POC1B: variants seen among roughly 807,000 people sequenced by gnomAD.
POC1B encodes POC1 centriolar protein B, also known as POC1 centriolar protein homolog B.
A neutral mutation model predicts 60.6 loss-of-function variants in POC1B; 44 were observed. That is an observed-to-expected ratio of 0.73 (90% CI 0.57 to 0.93). The LOEUF is 0.93. POC1B is among the 40% of genes least tolerant of loss of function. The pLI, the probability that POC1B is intolerant of heterozygous loss-of-function variation, is 0.00. For synonymous variants in POC1B, 180 were observed against 198.9 expected (o/e 0.90, Z 0.80); for missense variants, 555 against 572.3 (o/e 0.97, Z 0.31).
chr12:89,453,197 A>G (rs1362536584), intron 10 of POC1B, among the ~76,000 whole-genome samples: 1 of 152,206 alleles, frequency 6.6e-6, no homozygotes, highest in African/African-American at 2.4e-5. Flanking sequence ...ATGTTTTTAA[A>G]TTGTTTCTCA....
intron 8 of POC1B, 141 bp from the exon 9 acceptor site, chr12:89,467,063 A>C: frequency 3.4e-6 from 2 of 582,956 alleles, no homozygotes; most frequent in Non-Finnish European, 5.4e-6. Flanking sequence ...ACTATTTCTC[A>C]ATATCTTTTT....
At chr12:89,454,545 T>C (rs543896726) in intron 10 of POC1B, among the ~76,000 whole-genome samples, 40 of 152,148 alleles carry the variant, frequency 2.6e-4, no homozygotes, top group Non-Finnish European at 5.1e-4. Context: ...ACCTGCAATC[T>C]GGCCTTCCAT....
chr12:89,480,523 C>A (rs1056254982), intron 4 of POC1B, among the ~76,000 whole-genome samples: 2 of 150,384 alleles, frequency 1.3e-5, no homozygotes, highest in African/African-American at 4.9e-5. Context: ...AAGGTTCACA[C>A]GATTCTTGTG....
chr12:89,524,846 C>G (rs868752879), intron 2 of POC1B: 1 of 617,568 alleles, frequency 1.6e-6, no homozygotes, highest in South Asian at 2.0e-5. Flanking sequence ...CCCTCCCCTT[C>G]CCACTCACTC....
At chr12:89,521,380 T>C (rs1012499274) in intron 2 of POC1B, 11 of 152,376 alleles carry the variant, frequency 7.2e-5, no homozygotes, top group African/African-American at 2.6e-4. Context: ...TGGGATTACA[T>C]GCGTGAGCCA....
chr12:89,522,348 A>T (rs1230881327), intron 2 of POC1B: 1 of 394,770 alleles, frequency 2.5e-6, no homozygotes, highest in African/African-American at 2.1e-5. Flanking sequence ...CTAAAATTTA[A>T]TGTGCTGGCT....
rs1880494684 is a variant in POC1B, at chr12:89,420,729, G to A, written c.*424C>T. The A allele has an allele frequency of 1.3e-5, 2 of 156,012 alleles. No individual in the cohort carries two copies. Among genetic ancestry groups the A allele is most frequent in the Non-Finnish European group, 2.8e-5 (2 of 70,588 alleles). 9.7% of individuals were successfully genotyped at this position (156,012 alleles called of 1,614,324 possible). On this transcript the variant is annotated 3_prime_UTR_variant, in exon 12 of 12. Coordinates refer to ENST00000313546, the MANE Select transcript of POC1B (RefSeq NM_172240.3). ...ATCAATAACTCATTATTGGCATATA[G>A]GATGCTATTTTGGAGGTAAGTGAAT...
intron 4 of POC1B, among the ~76,000 whole-genome samples, chr12:89,489,771 C>T (rs1315917428): frequency 6.6e-6 from 1 of 152,224 alleles, no homozygotes; most frequent in Non-Finnish European, 1.5e-5. Context: ...TGCCATACCC[C>T]ATACCTGCTT....
At chr12:89,461,357 C>CA (rs777801880) in intron 9 of POC1B, 6 of 152,042 alleles carry the variant, frequency 3.9e-5, no homozygotes, top group Admixed American at 2.0e-4. Flanking sequence ...TTCTTCATGG[C>CA]ATAGTGGAAG....
chr12:89,466,477 T>A (rs1161061950), intron 9 of POC1B, among the ~76,000 whole-genome samples: 1 of 152,186 alleles, frequency 6.6e-6, no homozygotes, highest in African/African-American at 2.4e-5. Context: ...ATGACCTCCC[T>A]AAACACACCT....
chr12:89,420,216 T>A lies in POC1B; in HGVS notation c.*937A>T, dbSNP rs1406681963. 1 of 152,222 alleles carries A rather than the reference T, an allele frequency of 6.6e-6. No homozygotes were observed. Among genetic ancestry groups the A allele is most frequent in the Non-Finnish European group, 1.5e-5 (1 of 68,046 alleles). 9.4% of individuals were successfully genotyped at this position (152,222 alleles called of 1,614,324 possible). A position where few individuals can be genotyped will look rare whatever the true frequency, so the allele number is the denominator to read the frequency against. On this transcript the variant is annotated 3_prime_UTR_variant, in exon 12 of 12. Coordinates refer to ENST00000313546, the MANE Select transcript of POC1B (RefSeq NM_172240.3). ...TTAGAATACCTGGCTTATTTTCATT[T>A]TGTTTTAAATCACAATTCATTAAAT...
intron 2 of POC1B, chr12:89,524,404 A>T (rs766060100): frequency 2.5e-6 from 4 of 1,613,978 alleles, no homozygotes; most frequent in Non-Finnish European, 3.4e-6. Flanking sequence ...GAGGTCTGAG[A>T]GCCTTCTTGA....
At chr12:89,429,706 T>C (rs1880950493) in intron 10 of POC1B, among the ~76,000 whole-genome samples, 1 of 152,138 alleles carries the variant, frequency 6.6e-6, no homozygotes, top group African/African-American at 2.4e-5. Flanking sequence ...TCCCCCACAA[T>C]GCCTGGCTCA....
chr12:89,524,909 G>T (rs1275503813), intron 2 of POC1B: 6 of 759,834 alleles, frequency 7.9e-6, no homozygotes, highest in Non-Finnish European at 1.2e-5. Context: ...CCGCTGGATA[G>T]GAGGCTCTTG....
chr12:89,404,350 G>A, the POC1B span, among the ~76,000 whole-genome samples: 1 of 152,100 alleles, frequency 6.6e-6, no homozygotes, highest in Non-Finnish European at 1.5e-5. Flanking sequence ...TGTGACCTAT[G>A]AGGAAACCCA....
chr12:89,459,007 A>G (rs1477652737), intron 10 of POC1B, among the ~76,000 whole-genome samples: 1 of 152,224 alleles, frequency 6.6e-6, no homozygotes, highest in Non-Finnish European at 1.5e-5. Context: ...TAATTTATGG[A>G]TAATCCATCA....
At chr12:89,411,126 T>C in the POC1B span, among the ~76,000 whole-genome samples, 3 of 152,094 alleles carry the variant, frequency 2.0e-5, no homozygotes, top group Non-Finnish European at 4.4e-5. Flanking sequence ...AGGGAGGACA[T>C]AAACAAATGG....
chr12:89,444,363 A>T (rs1258933768), intron 10 of POC1B, among the ~76,000 whole-genome samples: 1 of 152,254 alleles, frequency 6.6e-6, no homozygotes, highest in Non-Finnish European at 1.5e-5. Context: ...TCAATAAAAT[A>T]CTGGCAAACT....
chr12:89,471,770 T>TTC (rs1565739461), intron 5 of POC1B, 41 bp from the exon 6 acceptor site: 6 of 795,996 alleles, frequency 7.5e-6, no homozygotes, highest in South Asian at 4.4e-5. Context: ...TTCAATTTCT[T>TTC]TTTTTTTTTT....
Sources: allele counts gnomAD v4.1 joint callset (sites outside exome capture counted in the v4.1 genomes callset), GRCh38; gene constraint gnomAD v4.1.1; transcripts MANE v1.5; gene names NCBI Gene and HGNC (gene_info 2026-07-23, HGNC 2026-07-21).